CENPW: variants seen among roughly 807,000 people sequenced by gnomAD.
CENPW encodes the protein cancer-up-regulated gene 2 protein.
Under a neutral mutation model 11.1 loss-of-function variants are expected in CENPW, and 3 were observed. The ratio of observed to expected loss-of-function variants is 0.27; its 90% CI spans 0.12 to 0.70. CENPW has a LOEUF of 0.70. Ranked by LOEUF, CENPW falls within the 30% of genes least tolerant of loss-of-function variation. CENPW has a pLI of 0.77. For synonymous variants in CENPW, 38 were observed against 42.0 expected (o/e 0.91, Z 0.37); for missense variants, 100 against 105.6 (o/e 0.95, Z 0.23).
chr6:126,410,734 A>G, the CENPW span, among the ~76,000 whole-genome samples: 1 of 151,892 alleles, frequency 6.6e-6, no homozygotes. Context: ...CTTAAATTCA[A>G]ATTTAGAAAC....
At chr6:126,425,577 A>T in the CENPW span, among the ~76,000 whole-genome samples, 1 of 151,354 alleles carries the variant, frequency 6.6e-6, no homozygotes, top group Admixed American at 6.6e-5. Context: ...TTGTAATGGT[A>T]TTTTTTTTTC....
At chr6:126,387,353 GTGT>G in the CENPW span, among the ~76,000 whole-genome samples, 8 of 152,042 alleles carry the variant, frequency 5.3e-5, 1 homozygote, top group South Asian at 1.7e-3. Flanking sequence ...TATAAATGTG[GTGT>G]TTCATATACG....
At chr6:126,460,536 A>C in the CENPW span, among the ~76,000 whole-genome samples, 636 of 151,858 alleles carry the variant, frequency 4.2e-3, 1 homozygote, top group Non-Finnish European at 7.1e-3. Context: ...CAGTGTCCTT[A>C]AAAGTGCCAT....
At chr6:126,399,886 T>C in the CENPW span, among the ~76,000 whole-genome samples, 1 of 152,070 alleles carries the variant, frequency 6.6e-6, no homozygotes, top group Non-Finnish European at 1.5e-5. Flanking sequence ...TTTTGCCTAT[T>C]CTTAAAATTT....
At chr6:126,375,869 G>A in the CENPW span, among the ~76,000 whole-genome samples, 1 of 152,120 alleles carries the variant, frequency 6.6e-6, no homozygotes, top group Admixed American at 6.5e-5. Flanking sequence ...CTCCTTTGAG[G>A]AGGCATATGA....
the CENPW span, among the ~76,000 whole-genome samples, chr6:126,391,416 G>A: frequency 2.0e-5 from 3 of 151,814 alleles, no homozygotes; most frequent in Non-Finnish European, 1.5e-5. Context: ...CCAGTTCTGT[G>A]GGTTGCCTTT....
rs117979833 is a variant in CENPW at position 126,348,294 on chromosome 6, A to G, written c.241-172A>G. Among the ~76,000 whole-genome samples the G allele has an allele frequency of 1.1e-3, 175 of 152,184 alleles. 2 individuals carry two copies. The East Asian group carries it at 0.023, about 20-fold the overall frequency. Reference sequence around the variant, plus strand: ...ACTGTTTTTAGAGAAATCTAAGACTATAAGACAAAAGATTCCCTAATCACC... The same window carrying G: ...ACTGTTTTTAGAGAAATCTAAGACTGTAAGACAAAAGATTCCCTAATCACC... On this transcript the variant is annotated intron_variant, in intron 2 of 2. Coordinates refer to ENST00000368328, the MANE Select transcript of CENPW (RefSeq NM_001012507.4).
chr6:126,387,368 C>T, the CENPW span, among the ~76,000 whole-genome samples: 1 of 151,840 alleles, frequency 6.6e-6, no homozygotes, highest in South Asian at 2.1e-4. Flanking sequence ...TCATATACGG[C>T]GTAGCTTGAT....
the CENPW span, among the ~76,000 whole-genome samples, chr6:126,479,827 A>G: frequency 6.6e-6 from 1 of 151,780 alleles, no homozygotes; most frequent in Non-Finnish European, 1.5e-5. Flanking sequence ...ATATGAGAAC[A>G]CTATAATTTT....
chr6:126,436,085 A>G, the CENPW span, among the ~76,000 whole-genome samples: 1 of 151,802 alleles, frequency 6.6e-6, no homozygotes, highest in Non-Finnish European at 1.5e-5. Context: ...AAGGTTTATA[A>G]TGACAGAAAA....
chr6:126,342,994 A>T (rs988065309), intron 1 of CENPW, among the ~76,000 whole-genome samples: 1 of 152,160 alleles, frequency 6.6e-6, no homozygotes, highest in African/African-American at 2.4e-5. Flanking sequence ...GAGAGTTAAC[A>T]TCTGTTAAAT....
chr6:126,438,725 C>A, the CENPW span, among the ~76,000 whole-genome samples: 1 of 151,604 alleles, frequency 6.6e-6, no homozygotes, highest in African/African-American at 2.4e-5. Flanking sequence ...GCCCTGTAAA[C>A]TGATATTTTA....
chr6:126,390,961 T>G, the CENPW span, among the ~76,000 whole-genome samples: 6 of 151,950 alleles, frequency 3.9e-5, no homozygotes, highest in African/African-American at 1.4e-4. Context: ...TTCAATATAC[T>G]GATTTCCTTT....
chr6:126,340,228 C>A lies in CENPW; in HGVS notation c.-46C>A. The stretch of plus-strand genomic sequence containing the variant: ...GTGTCCCCGGAGCTTGTGTGCGATA[C>A]AGAGAGCACCTCGGAAGCTGAGGCA... On this transcript the variant is annotated 5_prime_UTR_variant, in exon 1 of 3. Coordinates refer to ENST00000368328, the MANE Select transcript of CENPW (RefSeq NM_001012507.4). 6.3e-7 allele frequency: 1 copy of A among 1,594,984 alleles called. No homozygotes were observed. The highest frequency in any genetic ancestry group is 8.6e-7 in the Non-Finnish European group (1 of 1,165,162).
At chr6:126,440,842 A>G in the CENPW span, among the ~76,000 whole-genome samples, 1 of 151,642 alleles carries the variant, frequency 6.6e-6, no homozygotes, top group African/African-American at 2.4e-5. Flanking sequence ...AAAGGTATTC[A>G]GAAAGAATGG....
the CENPW span, among the ~76,000 whole-genome samples, chr6:126,448,737 A>G: frequency 6.6e-6 from 1 of 150,996 alleles, no homozygotes; most frequent in Admixed American, 6.6e-5. Flanking sequence ...TTACCATGAC[A>G]TTCATATAAC....
the CENPW span, among the ~76,000 whole-genome samples, chr6:126,356,525 A>T: frequency 1.3e-5 from 2 of 152,212 alleles, no homozygotes; most frequent in Non-Finnish European, 2.9e-5. Flanking sequence ...TGTTTTGTTA[A>T]CAGTGGCTGA....
At chr6:126,350,436 C>G (rs1211953110), downstream of CENPW, among the ~76,000 whole-genome samples, 1 of 152,108 alleles carries the variant, frequency 6.6e-6, no homozygotes, top group Non-Finnish European at 1.5e-5. Flanking sequence ...CCAGAGAGCT[C>G]TCTGCCTCCT....
chr6:126,405,614 T>A, the CENPW span, among the ~76,000 whole-genome samples: 6 of 152,170 alleles, frequency 3.9e-5, no homozygotes, highest in Admixed American at 2.0e-4. Context: ...TTAGAAAAAA[T>A]TAATTTTTCT....
Sources: gnomAD v4.1 joint callset for allele counts (sites outside exome capture counted in the v4.1 genomes callset) on GRCh38, gnomAD v4.1.1 for gene constraint, MANE v1.5 for transcripts, NCBI Gene and HGNC (gene_info 2026-07-23, HGNC 2026-07-21) for gene names.